The following THUMPD3 variants were observed in gnomAD, a reference collection of about 807,000 sequenced individuals.
The protein encoded by THUMPD3 is tRNA (guanine(6)-N(2))-methyltransferase THUMP3.
THUMPD3 carries 44 observed loss-of-function variants against 54.5 expected under a neutral mutation model. The observed-to-expected ratio is 0.81, with a 90% CI of 0.63 to 1.04. The LOEUF is 1.04. Among genes scored for constraint, THUMPD3 ranks in the 50% least tolerant of loss-of-function variants. The pLI, the probability that THUMPD3 is intolerant of heterozygous loss-of-function variation, is 0.00. For missense variants in THUMPD3, 604 were observed against 601.3 expected, an observed-to-expected ratio of 1.00 and a Z score of -0.05; for synonymous variants, 196 against 201.4, an observed-to-expected ratio of 0.97 and a Z score of 0.23.
At chr3:9,374,381 ATGGTGAC>A (rs1043690619) in intron 4 of THUMPD3, 128 bp from the exon 5 acceptor site, 1 of 1,007,466 alleles carries the variant, frequency 9.9e-7, no homozygotes, top group African/African-American at 1.6e-5. Flanking sequence ...TGGCATCAAT[ATGGTGAC>A]CTCCCAGGAG....
chr3:9,381,643 A>G (rs1575081046), intron 7 of THUMPD3, among the ~76,000 whole-genome samples: 1 of 103,640 alleles, frequency 9.6e-6, no homozygotes, highest in Non-Finnish European at 1.8e-5. Flanking sequence ...AGCCTAGTAT[A>G]TGGCCAGTCT....
At chr3:9,377,974 T>G in intron 6 of THUMPD3, 86 bp downstream of exon 6, 1 of 1,139,674 alleles carries the variant, frequency 8.8e-7, no homozygotes, top group Non-Finnish European at 1.3e-6. Context: ...TAATGAAATC[T>G]CCATGGTTGG....
Position 9,365,179 on chromosome 3 carries a change from A to T in THUMPD3, c.111A>T (p.Leu37=). 1.2e-6 allele frequency: 2 copies of T among 1,614,170 alleles called. No individual in the cohort carries two copies. The highest frequency in any genetic ancestry group is 1.7e-6 in the Non-Finnish European group (2 of 1,180,036). The change falls in exon 2 of 10, where the codon CTA becomes CTT. Residue 37 remains leucine, a synonymous_variant. Coordinates refer to ENST00000452837, the MANE Select transcript of THUMPD3 (RefSeq NM_001114092.2). ...ACCTCGGAAGTGAATCTGAGCTTCT[A>T]GTCACTATTGGAGCCACTGTACCTA... ...ESDLGSESEL[L]VTIGATVPTG...
chr3:9,375,841 G>C (rs1014920393), intron 5 of THUMPD3, among the ~76,000 whole-genome samples: 3 of 152,200 alleles, frequency 2.0e-5, no homozygotes, highest in African/African-American at 7.2e-5. Flanking sequence ...TTGTAACGCA[G>C]TGGTATTTGT....
Position 9,382,068 on chromosome 3 carries a change from C to G in THUMPD3, c.1125-1131C>G, listed in dbSNP as rs576404819. Among the ~76,000 whole-genome samples the G allele has an allele frequency of 4.0e-4, 61 of 152,158 alleles. 1 individual carries two copies. In the South Asian group the frequency reaches 0.012, roughly 29 times the overall value. On this transcript the variant is annotated intron_variant, in intron 7 of 9. Coordinates refer to ENST00000452837, the MANE Select transcript of THUMPD3 (RefSeq NM_001114092.2). ...AAAGTGCTGGGATTACAGGCATGAG[C>G]CACTGTGCCCGGCCTCAACCTGTAC...
Position 9,380,860 on chromosome 3 carries a change from C to T in THUMPD3, c.1124+242C>T, listed in dbSNP as rs536576761. The T allele has an allele frequency of 2.2e-4, 67 of 302,404 alleles. No individual in the cohort carries two copies. In the South Asian group the frequency reaches 3.7e-3, roughly 17 times the overall value. 18.7% of individuals were successfully genotyped at this position (302,404 alleles called of 1,614,324 possible). On this transcript the variant is annotated intron_variant, in intron 7 of 9. Coordinates refer to ENST00000452837, the MANE Select transcript of THUMPD3 (RefSeq NM_001114092.2). The stretch of plus-strand genomic sequence containing the variant: ...TTTGTCTTATTCATATGTCTTTTCC[C>T]CTACATATTGGAAGAATATTTTATA...
In THUMPD3 at chr3:9,381,650, G is replaced by GT. The variant is rs1185062918; in HGVS notation, c.1124+1033dup. 1.1e-4 allele frequency among the ~76,000 whole-genome samples: 7 copies of GT among 62,134 alleles called. No homozygotes were observed. In the South Asian group the frequency reaches 5.7e-3, roughly 51 times the overall value. The allele number at this position is 62,134 out of a possible 152,430, so 40.8% of individuals were successfully genotyped here. A position where few individuals can be genotyped will look rare whatever the true frequency, so the allele number is the denominator to read the frequency against. ...TTTTAATGAGCCTAGTATATGGCCA[G>GT]TCTTTTTTTTTTTTAATTAAAACTG... On this transcript the variant is annotated intron_variant, in intron 7 of 9. Transcript: ENST00000452837.
chr3:9,382,511 A>G (rs1363682056), intron 7 of THUMPD3, among the ~76,000 whole-genome samples: 2 of 151,908 alleles, frequency 1.3e-5, no homozygotes, highest in African/African-American at 4.8e-5. Flanking sequence ...CAATTTTACT[A>G]TCTGTTTTTC....
chr3:9,385,977 A>C lies in THUMPD3; in HGVS notation c.*1289A>C, dbSNP rs568930400. On this transcript the variant is annotated 3_prime_UTR_variant, in exon 10 of 10. Coordinates refer to ENST00000452837, the MANE Select transcript of THUMPD3 (RefSeq NM_001114092.2). ...TGTGGAACTCATCATAGTATTGTTT[A>C]TTTTGGAGCCTCTGGCTGCAATCAG... The C allele has an allele frequency of 6.6e-6, 1 of 152,288 alleles. No homozygotes were observed. Among genetic ancestry groups the C allele is most frequent in the Non-Finnish European group, 1.5e-5 (1 of 68,018 alleles). 9.4% of individuals were successfully genotyped at this position (152,288 alleles called of 1,614,324 possible). A position where few individuals can be genotyped will look rare whatever the true frequency, so the allele number is the denominator to read the frequency against.
At chr3:9,380,665 A>T (rs757788280) in intron 7 of THUMPD3, 47 bp downstream of exon 7, 3 of 1,375,300 alleles carry the variant, frequency 2.2e-6, no homozygotes, top group Non-Finnish European at 3.1e-6. Flanking sequence ...TTAGAGAATC[A>T]CTTTTTATAT....
At position 9,367,758 on chromosome 3, in the gene THUMPD3, C is replaced by T. The variant is rs1018415941; in HGVS notation, c.330+773C>T. ...CCCTCAGCCTAGAAAACAATAAGAC[C>T]AGACCTAAAAGAAGTCAGACTTAAG... On this transcript the variant is annotated intron_variant, in intron 3 of 9. Coordinates refer to ENST00000452837, the MANE Select transcript of THUMPD3 (RefSeq NM_001114092.2). Among the ~76,000 whole-genome samples the T allele has an allele frequency of 3.3e-5, 5 of 152,134 alleles. No individual in the cohort carries two copies. In the East Asian group the frequency reaches 9.6e-4, roughly 29 times the overall value.
chr3:9,386,501 G>A lies in THUMPD3; in HGVS notation c.*1813G>A, dbSNP rs1042423998. The A allele has an allele frequency of 2.0e-5, 3 of 151,832 alleles. No individual in the cohort carries two copies. Among genetic ancestry groups the A allele is most frequent in the African/African-American group, 7.3e-5 (3 of 41,306 alleles). The allele number at this position is 151,832 out of a possible 1,614,324, so 9.4% of individuals were successfully genotyped here. ...TTTTTAAGGAAATCATTTTTTACTT[G>A]ATTCATCATAGCTTTAATTCTATTA... On this transcript the variant is annotated 3_prime_UTR_variant, in exon 10 of 10. Coordinates refer to ENST00000452837, the MANE Select transcript of THUMPD3 (RefSeq NM_001114092.2).
Position 9,386,616 on chromosome 3 carries a change from C to A in THUMPD3, c.*1928C>A, listed in dbSNP as rs1214411306. On this transcript the variant is annotated 3_prime_UTR_variant, in exon 10 of 10. Coordinates refer to ENST00000452837, the MANE Select transcript of THUMPD3 (RefSeq NM_001114092.2). ...CTTCCCTAGTATGGTGTTTTTCAAT[C>A]TGGTGACTAGAATAGGCAGTGGGCT... 2 of 152,078 alleles carry A rather than the reference C, an allele frequency of 1.3e-5. No individual in the cohort carries two copies. The highest frequency in any genetic ancestry group is 4.8e-5 in the African/African-American group (2 of 41,396). The allele number at this position is 152,078 out of a possible 1,614,324, so 9.4% of individuals were successfully genotyped here.
At chr3:9,372,647 A>C (rs1575064920) in intron 4 of THUMPD3, among the ~76,000 whole-genome samples, 1 of 151,996 alleles carries the variant, frequency 6.6e-6, no homozygotes, top group South Asian at 2.1e-4. Context: ...CATTGCTAAT[A>C]CTCATCCTAG....
chr3:9,375,786 C>T (rs1252713479), intron 5 of THUMPD3, among the ~76,000 whole-genome samples: 1 of 152,186 alleles, frequency 6.6e-6, no homozygotes, highest in Non-Finnish European at 1.5e-5. Flanking sequence ...TGCTCCTAGG[C>T]TACAAACCTG....
At chr3:9,369,202 C>T (rs920225064) in intron 3 of THUMPD3, among the ~76,000 whole-genome samples, 8 of 142,566 alleles carry the variant, frequency 5.6e-5, no homozygotes, top group Admixed American at 1.5e-4. Context: ...TCCAGCTACT[C>T]GGGAGGCTGA....
intron 3 of THUMPD3, 125 bp downstream of exon 3, chr3:9,367,110 T>C: frequency 1.5e-6 from 1 of 652,708 alleles, no homozygotes; most frequent in Non-Finnish European, 2.5e-6. Flanking sequence ...ACTGGGAGGC[T>C]TTTACAGTAA....
rs35970594 is a variant in THUMPD3, at chr3:9,384,331, C to T, written c.1355C>T (p.Thr452Ile). ...VLLTQDTKCF[T>I]KALSGMRHVW... The stretch of plus-strand genomic sequence containing the variant: ...CTTACTCAAGACACAAAATGCTTTA[C>T]CAAGGTGCTATACACATTAGCTCAA... Residue 452 changes from threonine to isoleucine, a missense_variant, in exon 9 of 10, where the codon ACC (threonine) becomes ATC (isoleucine). By Grantham distance (89) the Thr-to-Ile change is moderately conservative (BLOSUM62 -1). Transcript: ENST00000452837. 5.8e-4 allele frequency: 931 copies of T among 1,613,692 alleles called. 13 individuals are homozygous for T. The African/African-American group carries it at 0.011, about 20-fold the overall frequency.
At chr3:9,363,537 T>C (rs2031093961) in intron 1 of THUMPD3, 1 of 152,128 alleles carries the variant, frequency 6.6e-6, no homozygotes, top group Non-Finnish European at 1.5e-5. Context: ...TATTCTGTAC[T>C]CAATTAAGTT....
Sources: gnomAD v4.1 joint callset for allele counts (sites outside exome capture counted in the v4.1 genomes callset) on GRCh38, gnomAD v4.1.1 for gene constraint, MANE v1.5 for transcripts, NCBI Gene and HGNC (gene_info 2026-07-23, HGNC 2026-07-21) for gene names.